CCP110: variants seen among roughly 807,000 people sequenced by gnomAD.
CCP110 encodes the protein centriolar coiled-coil protein 110, also known as centriolar coiled-coil protein of 110 kDa.
Under a neutral mutation model 105.5 loss-of-function variants are expected in CCP110, and 43 were observed. That is an observed-to-expected ratio of 0.41 (90% confidence interval 0.32 to 0.53). CCP110 has a LOEUF of 0.53. Ranked by LOEUF, CCP110 falls within the 20% of genes least tolerant of loss-of-function variation. CCP110 has a pLI of 0.32. For synonymous variants in CCP110, 353 were observed against 392.1 expected (o/e 0.90, Z 1.18); for missense variants, 1,016 against 1,189.1 (o/e 0.85, Z 2.14).
At chr16:19,538,391 C>A (rs1423855815) in intron 4 of CCP110, among the ~76,000 whole-genome samples, 1 of 139,684 alleles carries the variant, frequency 7.2e-6, no homozygotes, top group Non-Finnish European at 1.5e-5. Flanking sequence ...CTCACTGCAA[C>A]CTCTGCTTCC....
At chr16:19,550,281 A>G (rs1970594456) in intron 14 of CCP110, among the ~76,000 whole-genome samples, 1 of 151,760 alleles carries the variant, frequency 6.6e-6, no homozygotes, top group Non-Finnish European at 1.5e-5. Flanking sequence ...CCTCCCAAGT[A>G]GCTGGAATTA....
At chr16:19,524,610 GC>G (rs1969604899) in intron 1 of CCP110, among the ~76,000 whole-genome samples, 1 of 152,116 alleles carries the variant, frequency 6.6e-6, no homozygotes, top group Non-Finnish European at 1.5e-5. Flanking sequence ...GTAATCGATT[GC>G]CCCTGGAGCT....
In CCP110 at chr16:19,548,420, C is replaced by A; in HGVS notation, c.2901-95C>A. On this transcript the variant is annotated intron_variant, in intron 13 of 14. Coordinates refer to ENST00000381396, the Ensembl canonical transcript of CCP110. This position sits in a 1 kb window ranked among gnomAD's most constrained non-coding sequence, Gnocchi z 4.1. ...TCAGTTCTTTTCAAGCTTATTTGTG[C>A]TTTGGACAGTTGATGCAATGTGATT... The A allele has an allele frequency of 2.6e-6, 2 of 782,046 alleles. No individual in the cohort carries two copies. The highest frequency in any genetic ancestry group is 4.1e-6 in the Non-Finnish European group (2 of 487,376). 48.4% of individuals were successfully genotyped at this position (782,046 alleles called of 1,614,324 possible).
chr16:19,550,045 GAATT>G (rs1970584129), intron 14 of CCP110, among the ~76,000 whole-genome samples: 1 of 152,038 alleles, frequency 6.6e-6, no homozygotes, highest in African/African-American at 2.4e-5. Flanking sequence ...CTTAACCCTT[GAATT>G]AATATGTATC....
chr16:19,545,879 G>T, exon 11 of CCP110: 1 of 1,595,864 alleles, frequency 6.3e-7, no homozygotes, highest in South Asian at 1.1e-5. Flanking sequence ...TTGATAGGAA[G>T]AAATACATGA....
intron 12 of CCP110, chr16:19,547,666 C>G (rs1000481724): frequency 4.1e-6 from 1 of 245,052 alleles, no homozygotes. Context: ...GAAAAGTTAG[C>G]TTTTGTAAAG....
chr16:19,531,242 C>T lies in CCP110; in HGVS notation c.142-1174C>T, dbSNP rs544138898. The stretch of plus-strand genomic sequence containing the variant: ...GCTTGTTGTGTAGGGTCTATGACTC[C>T]GTCTGTTATTTATTTATAAGCAAAA... On this transcript the variant is annotated intron_variant, in intron 2 of 14. Coordinates refer to ENST00000381396, the Ensembl canonical transcript of CCP110. Among the ~76,000 whole-genome samples, 9 of 152,164 alleles carry T rather than the reference C, an allele frequency of 5.9e-5. No homozygotes were observed. In the South Asian group the frequency reaches 8.3e-4, roughly 14 times the overall value.
intron 7 of CCP110, 26 bp downstream of exon 7, chr16:19,542,786 CATCT>C: frequency 1.3e-6 from 2 of 1,594,774 alleles, no homozygotes; most frequent in African/African-American, 2.7e-5. Flanking sequence ...GATACATGTC[CATCT>C]ATCTATTTAT....
chr16:19,548,632 C>T lies in CCP110; in HGVS notation c.2986+32C>T, dbSNP rs1241121447. On this transcript the variant is annotated intron_variant, in intron 14 of 14. Transcript: ENST00000381396. This position sits in a 1 kb window ranked among gnomAD's most constrained non-coding sequence, Gnocchi z 4.1. ...AGAAAATAAATTCCTGAAGCCCATT[C>T]AATAGAAGGAAGTGCACAAGCTGCC... 1 of 1,377,572 alleles carries T rather than the reference C, an allele frequency of 7.3e-7. No individual in the cohort carries two copies. The highest frequency in any genetic ancestry group is 1.4e-5 in the African/African-American group (1 of 69,294). The allele number at this position is 1,377,572 out of a possible 1,614,324, so 85.3% of individuals were successfully genotyped here. A position where few individuals can be genotyped will look rare whatever the true frequency, so the allele number is the denominator to read the frequency against.
Position 19,542,952 on chromosome 16 carries a change from T to TA in CCP110, c.2443dup (p.Met815AsnfsTer5). 6.2e-7 allele frequency: 1 copy of TA among 1,612,360 alleles called. No individual in the cohort carries two copies. Among genetic ancestry groups the TA allele is most frequent in the Non-Finnish European group, 8.5e-7 (1 of 1,178,718 alleles). ...CAAAAGGATTTCTTACTCGTAGACTTATGCAGACAGATAAGCTGAAGCAAC... is the reference window on the plus strand; with the variant it reads ...CAAAAGGATTTCTTACTCGTAGACTTAATGCAGACAGATAAGCTGAAGCAAC... On this transcript the variant is annotated frameshift_variant, in exon 8 of 15. Transcript: ENST00000381396. LOFTEE classifies it high-confidence loss of function.
chr16:19,550,015 T>C (rs2151486006), intron 14 of CCP110, among the ~76,000 whole-genome samples: 1 of 152,352 alleles, frequency 6.6e-6, no homozygotes, highest in East Asian at 1.9e-4. Flanking sequence ...CATTGCAACA[T>C]ACTTATTAAT....
At chr16:19,535,143 G>A (rs891604469) in intron 3 of CCP110, among the ~76,000 whole-genome samples, 1 of 152,092 alleles carries the variant, frequency 6.6e-6, no homozygotes, top group Non-Finnish European at 1.5e-5. Flanking sequence ...GCCTCCCAAA[G>A]TGCTGGGATT....
rs1424882069 is a variant in CCP110, at chr16:19,551,240, A to G, written c.3031A>G (p.Thr1011Ala). Residue 1011 changes from threonine (T) to alanine (A), a missense_variant, in exon 15 of 15, where the codon ACA becomes GCA. Transcript: ENST00000381396. The stretch of plus-strand genomic sequence containing the variant: ...CCAAAGAAAGCGGCCAAATGTTGCG[A>G]CAATTTAAGAAGACAACATTCATTA... The G allele has an allele frequency of 1.9e-6, 3 of 1,611,974 alleles. No individual in the cohort carries two copies. The African/African-American group carries it at 4.0e-5, about 22-fold the overall frequency.
exon 13 of CCP110, chr16:19,547,997 GCTA>G: frequency 1.2e-6 from 2 of 1,611,202 alleles, no homozygotes; most frequent in Non-Finnish European, 1.7e-6. Flanking sequence ...CTGTTCATAG[GCTA>G]CTTAGTAGAC....
intron 1 of CCP110, chr16:19,525,237 T>C (rs758845085): frequency 1.3e-5 from 2 of 152,208 alleles, no homozygotes; most frequent in Non-Finnish European, 2.9e-5. Flanking sequence ...AAGGAGCAGA[T>C]AGGACCATGA....
exon 15 of CCP110, chr16:19,553,163 G>C (rs576655999): frequency 6.6e-6 from 1 of 152,270 alleles, no homozygotes; most frequent in South Asian, 2.1e-4. Context: ...AGAAACTTGA[G>C]TGTTTTTAAT....
intron 4 of CCP110, among the ~76,000 whole-genome samples, chr16:19,538,239 A>G (rs918675304): frequency 9.4e-5 from 14 of 149,506 alleles, no homozygotes; most frequent in Non-Finnish European, 1.6e-4. Context: ...TCTTATTTAA[A>G]TGATGAAGCT....
Position 19,548,588 on chromosome 16 carries a change from G to C in CCP110, c.2974G>C (p.Val992Leu). The C allele has an allele frequency of 6.5e-7, 1 of 1,547,572 alleles. No homozygotes were observed. Among genetic ancestry groups the C allele is most frequent in the South Asian group, 1.2e-5 (1 of 83,834 alleles). The stretch of plus-strand genomic sequence containing the variant: ...TTCACAGAGCAGAGTGCCTAACAGA[G>C]TGCCTGTTTCAGGTTTGTAGAAAAT... The change falls in exon 14 of 15, where the codon GTG becomes CTG. Residue 992 changes from valine (V) to leucine (L), a missense_variant. Val to Leu is a conservative substitution (Grantham distance 32). Coordinates refer to ENST00000381396, the Ensembl canonical transcript of CCP110. The surrounding 1 kb of genome is among the most constrained non-coding windows in gnomAD (Gnocchi z 4.1).
At chr16:19,538,527 C>T (rs1970163775) in intron 4 of CCP110, among the ~76,000 whole-genome samples, 1 of 151,540 alleles carries the variant, frequency 6.6e-6, no homozygotes, top group Admixed American at 6.6e-5. Context: ...CCAGGCTGCT[C>T]TCAAGCTCCT....
Sources: gnomAD v4.1 joint callset for allele counts (sites outside exome capture counted in the v4.1 genomes callset) on GRCh38, gnomAD v4.1.1 for gene constraint, Gnocchi (gnomAD v3.1) non-coding constraint, MANE v1.5 for transcripts, NCBI Gene and HGNC (gene_info 2026-07-23, HGNC 2026-07-21) for gene names.